CTNNA3: variants seen among roughly 807,000 people sequenced by gnomAD.
CTNNA3 encodes the protein catenin alpha 3, also known as catenin alpha-3.
In CTNNA3, 76 loss-of-function variants were observed where a neutral mutation model predicts 95.7. The ratio of observed to expected loss-of-function variants is 0.79; its 90% CI spans 0.66 to 0.96. CTNNA3 has a LOEUF of 0.96. CTNNA3 is among the 40% of genes least tolerant of loss of function. The probability of loss-of-function intolerance (pLI) is 0.00; values close to 1 mark genes in which losing one functional copy is unlikely to be tolerated. For synonymous variants in CTNNA3, 431 were observed against 374.4 expected (o/e 1.15, Z -1.74); for missense variants, 1,191 against 1,089.8 (o/e 1.09, Z -1.31).
At chr10:67,295,960 G>A (rs774707535) in intron 5 of CTNNA3, among the ~76,000 whole-genome samples, 5 of 152,252 alleles carry the variant, frequency 3.3e-5, no homozygotes, top group East Asian at 3.9e-4. Flanking sequence ...CTCAGGATGC[G>A]CAGTTCATTG....
chr10:65,957,655 G>A (rs896011607), intron 17 of CTNNA3, among the ~76,000 whole-genome samples: 6 of 152,116 alleles, frequency 3.9e-5, no homozygotes, highest in African/African-American at 1.2e-4. Flanking sequence ...ATGAAGCTTA[G>A]TTTGGCTGGA....
chr10:65,959,150 C>T (rs975701119), intron 17 of CTNNA3, among the ~76,000 whole-genome samples: 6 of 152,194 alleles, frequency 3.9e-5, no homozygotes, highest in African/African-American at 1.4e-4. Context: ...GACTGCTGTG[C>T]CAGCAGTGAG....
At chr10:66,211,973 T>C (rs1365103438) in intron 13 of CTNNA3, among the ~76,000 whole-genome samples, 3 of 148,652 alleles carry the variant, frequency 2.0e-5, no homozygotes, top group Non-Finnish European at 4.4e-5. Flanking sequence ...ATAGCAACTA[T>C]TGTTTTTGGG....
chr10:66,471,765 T>G (rs760514855), intron 11 of CTNNA3, among the ~76,000 whole-genome samples: 2 of 151,892 alleles, frequency 1.3e-5, no homozygotes, highest in African/African-American at 4.8e-5. Flanking sequence ...GTTTTTATTG[T>G]TGTTTGACTA....
rs1044711918 is a variant in CTNNA3, at chr10:66,182,537, G to T, written c.1885-79288C>A. Among the ~76,000 whole-genome samples, 4 of 152,108 alleles carry T rather than the reference G, an allele frequency of 2.6e-5. No homozygotes were observed. The South Asian group carries it at 8.3e-4, about 32-fold the overall frequency. On this transcript the variant is annotated intron_variant, in intron 13 of 17. Transcript: ENST00000433211. ...CCCAAAGTGCTGGGATTACAGGCGTGAGCCACCGCGCCCGGCCGGATACAT... is the reference window on the plus strand; with the variant it reads ...CCCAAAGTGCTGGGATTACAGGCGTTAGCCACCGCGCCCGGCCGGATACAT...
At chr10:66,689,211 C>A (rs1206200521) in intron 9 of CTNNA3, among the ~76,000 whole-genome samples, 1 of 152,038 alleles carries the variant, frequency 6.6e-6, no homozygotes, top group Non-Finnish European at 1.5e-5. Context: ...GTTAGAGCTG[C>A]TTCTGAAATA....
chr10:66,263,840 A>G (rs1272583192), intron 13 of CTNNA3, among the ~76,000 whole-genome samples: 1 of 151,950 alleles, frequency 6.6e-6, no homozygotes, highest in African/African-American at 2.4e-5. Context: ...CCCAGATGCA[A>G]TGAACATATT....
At chr10:66,987,735 A>T (rs1850813642) in intron 7 of CTNNA3, among the ~76,000 whole-genome samples, 2 of 152,206 alleles carry the variant, frequency 1.3e-5, no homozygotes, top group Admixed American at 1.3e-4. Flanking sequence ...TGCTGGCAAA[A>T]TAAAAATTAT....
intron 13 of CTNNA3, among the ~76,000 whole-genome samples, chr10:66,124,896 A>G (rs1398894004): frequency 6.6e-6 from 1 of 152,194 alleles, no homozygotes; most frequent in Non-Finnish European, 1.5e-5. Flanking sequence ...TGAGAGTTAC[A>G]ATTTAATATG....
intron 11 of CTNNA3, among the ~76,000 whole-genome samples, chr10:66,507,671 A>G (rs759053014): frequency 1.5e-4 from 23 of 152,014 alleles, no homozygotes; most frequent in Non-Finnish European, 2.9e-4. Flanking sequence ...ACCAACGACA[A>G]TATTTCATTT....
chr10:67,675,192 A>AT (rs1158175172), intron 1 of CTNNA3, among the ~76,000 whole-genome samples: 1 of 151,886 alleles, frequency 6.6e-6, no homozygotes, highest in Non-Finnish European at 1.5e-5. Flanking sequence ...TTCCTTATTA[A>AT]TTTTTTGGAG....
intron 5 of CTNNA3, among the ~76,000 whole-genome samples, chr10:67,464,873 A>G (rs200042003): frequency 6.8e-6 from 1 of 146,478 alleles, no homozygotes; most frequent in Admixed American, 6.7e-5. Flanking sequence ...AGAAAAAAAA[A>G]AAAGAAAAAG....
intron 7 of CTNNA3, among the ~76,000 whole-genome samples, chr10:67,150,447 T>C (rs1387084963): frequency 1.3e-5 from 2 of 152,238 alleles, no homozygotes; most frequent in Admixed American, 6.5e-5. Flanking sequence ...AGTAGTTTAT[T>C]TGTTTGAGGA....
intron 10 of CTNNA3, among the ~76,000 whole-genome samples, chr10:66,594,703 T>C (rs1399225827): frequency 6.6e-6 from 1 of 152,156 alleles, no homozygotes; most frequent in African/African-American, 2.4e-5. Flanking sequence ...CTTTTCTATT[T>C]CATAATTTAT....
chr10:66,809,419 C>G (rs560116057), intron 7 of CTNNA3, among the ~76,000 whole-genome samples: 153 of 152,002 alleles, frequency 1.0e-3, no homozygotes, highest in Non-Finnish European at 5.9e-5. Flanking sequence ...CTAATATGAA[C>G]GGATTTTTTC....
chr10:67,381,708 A>T lies in CTNNA3; in HGVS notation c.579+140134T>A, dbSNP rs1013122673. On this transcript the variant is annotated intron_variant, in intron 5 of 17. Coordinates refer to ENST00000433211, the MANE Select transcript of CTNNA3 (RefSeq NM_013266.4). ...GAAATTACATATACAACATACATACAGTCTCCAGATACTCCATTTCTATAT... is the reference window on the plus strand; with the variant it reads ...GAAATTACATATACAACATACATACTGTCTCCAGATACTCCATTTCTATAT... 2.0e-5 allele frequency among the ~76,000 whole-genome samples: 3 copies of T among 152,282 alleles called. No homozygotes were observed. The South Asian group carries it at 6.2e-4, about 32-fold the overall frequency.
At chr10:66,717,170 C>G (rs1589162701) in intron 9 of CTNNA3, among the ~76,000 whole-genome samples, 1 of 152,102 alleles carries the variant, frequency 6.6e-6, no homozygotes, top group African/African-American at 2.4e-5. Flanking sequence ...ATTGCAACAT[C>G]AACTCTTGCC....
chr10:66,743,000 C>T (rs1466484217), intron 9 of CTNNA3, among the ~76,000 whole-genome samples: 2 of 152,092 alleles, frequency 1.3e-5, no homozygotes, highest in Non-Finnish European at 2.9e-5. Context: ...AAGACCAAAG[C>T]TCTAACTTAT....
intron 1 of CTNNA3, among the ~76,000 whole-genome samples, chr10:67,727,731 TGAG>T (rs1333510785): frequency 7.8e-6 from 1 of 128,024 alleles, no homozygotes; most frequent in Non-Finnish European, 1.6e-5. Context: ...TAGTCACTGT[TGAG>T]GAAGTCATAG....
Sources: gnomAD v4.1 joint callset for allele counts (sites outside exome capture counted in the v4.1 genomes callset) on GRCh38, gnomAD v4.1.1 for gene constraint, MANE v1.5 for transcripts, NCBI Gene and HGNC (gene_info 2026-07-23, HGNC 2026-07-21) for gene names.